Variants in FOCAD observed in about 807,000 individuals in gnomAD.
The protein encoded by FOCAD is focadhesin, also known as KIAA1797.
FOCAD carries 198 observed loss-of-function variants against 225.6 expected under a neutral mutation model. That is an observed-to-expected ratio of 0.88 (90% CI 0.78 to 0.99). The LOEUF is 0.99. Among genes scored for constraint, FOCAD ranks in the 50% least tolerant of loss-of-function variants. The pLI, the probability that FOCAD is intolerant of heterozygous loss-of-function variation, is 0.00. For missense variants in FOCAD, 2,713 were observed against 2,123.6 expected, an observed-to-expected ratio of 1.28 and a Z score of -5.46; for synonymous variants, 897 against 755.0, an observed-to-expected ratio of 1.19 and a Z score of -3.08.
At chr9:20,734,593 CAT>C (rs1416569677) in intron 4 of FOCAD, among the ~76,000 whole-genome samples, 1 of 152,092 alleles carries the variant, frequency 6.6e-6, no homozygotes, top group Non-Finnish European at 1.5e-5. Flanking sequence ...TAATGACAGA[CAT>C]GTGTTTTTTT....
chr9:20,874,041 T>A (rs1463112136), intron 18 of FOCAD: 1 of 152,172 alleles, frequency 6.6e-6, no homozygotes, highest in Non-Finnish European at 1.5e-5. Flanking sequence ...TAATTTTTGG[T>A]TCAAACAAAC....
intron 9 of FOCAD, among the ~76,000 whole-genome samples, chr9:20,779,895 C>T (rs1217960934): frequency 6.6e-6 from 1 of 152,150 alleles, no homozygotes; most frequent in Middle Eastern, 3.2e-3. Context: ...GGATCCTTGG[C>T]TCCTAGGCTT....
intron 15 of FOCAD, among the ~76,000 whole-genome samples, chr9:20,830,485 T>C (rs906772614): frequency 4.6e-5 from 7 of 152,136 alleles, no homozygotes; most frequent in Non-Finnish European, 7.4e-5. Flanking sequence ...GTTTTCATTT[T>C]TTCATATCCC....
At chr9:20,830,913 A>G (rs1046470542) in intron 15 of FOCAD, among the ~76,000 whole-genome samples, 1 of 152,036 alleles carries the variant, frequency 6.6e-6, no homozygotes, top group African/African-American at 2.4e-5. Flanking sequence ...CCTTGGCTCA[A>G]GCAGTCCTCT....
chr9:20,901,141 G>A (rs1306479833), intron 21 of FOCAD, among the ~76,000 whole-genome samples: 3 of 151,118 alleles, frequency 2.0e-5, no homozygotes, highest in African/African-American at 7.3e-5. Context: ...TGGCTTTTGG[G>A]GTCTCTAATA....
intron 6 of FOCAD, among the ~76,000 whole-genome samples, chr9:20,762,450 T>C (rs954923512): frequency 2.6e-5 from 4 of 152,232 alleles, no homozygotes; most frequent in Admixed American, 2.6e-4. Context: ...TAATCTATTT[T>C]TATTTCTTGT....
At chr9:20,830,054 G>A (rs541643365) in intron 15 of FOCAD, among the ~76,000 whole-genome samples, 1 of 152,094 alleles carries the variant, frequency 6.6e-6, no homozygotes, top group African/African-American at 2.4e-5. Flanking sequence ...GTAGTAGTCA[G>A]GACTCAAACC....
intron 4 of FOCAD, among the ~76,000 whole-genome samples, chr9:20,729,240 G>C (rs1345021292): frequency 6.6e-6 from 1 of 152,182 alleles, no homozygotes; most frequent in African/African-American, 2.4e-5. Context: ...TGGAGGCTCT[G>C]TGGGGGAATC....
Position 20,976,457 on chromosome 9 carries a change from G to A in FOCAD, c.4170G>A (p.Val1390=). 1 of 1,613,180 alleles carries A rather than the reference G, an allele frequency of 6.2e-7. No homozygotes were observed. Among genetic ancestry groups the A allele is most frequent in the Non-Finnish European group, 8.5e-7 (1 of 1,179,298 alleles). ...TGCCTCCTTCCCTTCTTAAAGTAGTGATGAAACCCATAGCAACTGTTGGAG... is the reference window on the plus strand; with the variant it reads ...TGCCTCCTTCCCTTCTTAAAGTAGTAATGAAACCCATAGCAACTGTTGGAG... ...ESVPPSLLKV[V]MKPIATVGES... The change falls in exon 36 of 44, where the codon GTG becomes GTA. Residue 1390 remains valine, a synonymous_variant. Coordinates refer to ENST00000338382, the MANE Select transcript of FOCAD (RefSeq NM_001375567.1).
intron 26 of FOCAD, among the ~76,000 whole-genome samples, chr9:20,927,592 C>G (rs1000717594): frequency 1.3e-5 from 2 of 151,458 alleles, no homozygotes; most frequent in African/African-American, 4.8e-5. Flanking sequence ...AGATTTGAAG[C>G]AAAATGAGAA....
chr9:20,790,526 C>A (rs1269080226), intron 11 of FOCAD, among the ~76,000 whole-genome samples: 1 of 152,168 alleles, frequency 6.6e-6, no homozygotes, highest in Non-Finnish European at 1.5e-5. Flanking sequence ...AATCCCAGCA[C>A]TTTGGAAGGC....
At position 20,758,085 on chromosome 9, in the gene FOCAD, T is replaced by C. The variant is rs1829222693; in HGVS notation, c.393-5T>C. 4.4e-6 allele frequency: 7 copies of C among 1,595,618 alleles called. No individual in the cohort carries two copies. Among genetic ancestry groups the C allele is most frequent in the Non-Finnish European group, 6.0e-6 (7 of 1,171,922 alleles). ...GGTTCCCATGTGACTTTCTGTGTCTTTCAGAAATCATCCTCATCCTTTGAT... is the reference window on the plus strand; with the variant it reads ...GGTTCCCATGTGACTTTCTGTGTCTCTCAGAAATCATCCTCATCCTTTGAT... On this transcript the variant is annotated splice_polypyrimidine_tract_variant and splice_region_variant and intron_variant, in intron 5 of 43. Coordinates refer to ENST00000338382, the MANE Select transcript of FOCAD (RefSeq NM_001375567.1).
At position 20,879,149 on chromosome 9, in the gene FOCAD, A is replaced by C. The variant is rs10964746; in HGVS notation, c.2318-2722A>C. Among the ~76,000 whole-genome samples, 1,235 of 152,276 alleles carry C rather than the reference A, an allele frequency of 8.1e-3. 19 individuals carry two copies. The highest frequency in any genetic ancestry group is 0.029 in the African/African-American group (1,195 of 41,554). On this transcript the variant is annotated intron_variant, in intron 19 of 43. Transcript: ENST00000338382. ...TATTCCTTAAGCCAGCCAAGTTGAC[A>C]CTTAAGTTCACAAGTTCACCCCTTG... is the stretch of plus-strand genomic sequence containing the variant.
intron 6 of FOCAD, among the ~76,000 whole-genome samples, chr9:20,761,441 GGC>G (rs1005686842): frequency 6.6e-6 from 1 of 151,306 alleles, no homozygotes; most frequent in Non-Finnish European, 1.5e-5. Context: ...TTTTTTTTGT[GGC>G]AGAGTCTCAC....
intron 35 of FOCAD, among the ~76,000 whole-genome samples, chr9:20,963,450 A>C (rs1043829129): frequency 6.6e-6 from 1 of 152,164 alleles, no homozygotes; most frequent in Non-Finnish European, 1.5e-5. Context: ...GTTTCCCTAG[A>C]TCCTCTGGAA....
chr9:20,930,734 A>G (rs935456757), intron 27 of FOCAD, among the ~76,000 whole-genome samples: 9 of 152,222 alleles, frequency 5.9e-5, no homozygotes, highest in South Asian at 2.1e-4. Flanking sequence ...CTTTGAGACC[A>G]TAAGTGCAAT....
intron 9 of FOCAD, among the ~76,000 whole-genome samples, 195 bp downstream of exon 9, chr9:20,778,963 A>G (rs531998740): frequency 6.6e-6 from 1 of 152,322 alleles, no homozygotes; most frequent in East Asian, 1.9e-4. Flanking sequence ...ATAATTTACC[A>G]AGTATCTCGG....
intron 19 of FOCAD, among the ~76,000 whole-genome samples, chr9:20,879,843 G>A (rs1473397794): frequency 1.3e-5 from 2 of 152,196 alleles, no homozygotes; most frequent in African/African-American, 4.8e-5. Flanking sequence ...GTTCACTGTA[G>A]AGCTTGGTAA....
intron 6 of FOCAD, among the ~76,000 whole-genome samples, chr9:20,760,212 C>G (rs917637188): frequency 1.3e-5 from 2 of 152,348 alleles, no homozygotes; most frequent in Middle Eastern, 3.4e-3. Flanking sequence ...GGTTTTCAAA[C>G]TGCACTTGCA....
Sources: gnomAD v4.1 joint callset for allele counts (sites outside exome capture counted in the v4.1 genomes callset) on GRCh38, gnomAD v4.1.1 for gene constraint, MANE v1.5 for transcripts, NCBI Gene and HGNC (gene_info 2026-07-23, HGNC 2026-07-21) for gene names.